The following GCM1 variants were observed in gnomAD, a reference collection of about 807,000 sequenced individuals.
GCM1 encodes GCM transcription factor 1.
GCM1 carries 2 observed loss-of-function variants against 25.7 expected under a neutral mutation model. That is an observed-to-expected ratio of 0.08 (90% confidence interval 0.03 to 0.24). The LOEUF (loss-of-function observed/expected upper bound fraction) is 0.24, where lower values mean the gene tolerates loss of function less well. GCM1 is among the 10% of genes least tolerant of loss of function. The probability of loss-of-function intolerance (pLI) is 1.00; values close to 1 mark genes in which losing one functional copy is unlikely to be tolerated. For missense variants in GCM1, 395 were observed against 538.7 expected (o/e 0.73, Z 2.64); for synonymous variants, 183 against 195.7 (o/e 0.94, Z 0.54).
chr6:53,129,787 T>G (rs748215116), intron 5 of GCM1, among the ~76,000 whole-genome samples: 2 of 152,216 alleles, frequency 1.3e-5, no homozygotes, highest in Non-Finnish European at 2.9e-5. Flanking sequence ...GATTTTTCTT[T>G]GAATTCGTGG....
chr6:53,142,393 C>T (rs1763888517), intron 2 of GCM1, among the ~76,000 whole-genome samples: 1 of 152,202 alleles, frequency 6.6e-6, no homozygotes, highest in Non-Finnish European at 1.5e-5. Context: ...CAGCCTCCTT[C>T]GGAGAGCCAC....
In GCM1 at chr6:53,144,437, A is replaced by C. The variant is rs1210506472; in HGVS notation, c.75+1121T>G. 7.9e-5 allele frequency among the ~76,000 whole-genome samples: 12 copies of C among 151,996 alleles called. 1 individual carries two copies. Among genetic ancestry groups the C allele is most frequent in the African/African-American group, 2.9e-4 (12 of 41,434 alleles). ...AAACCCATCTAAAAAAAAAAAAAAA[A>C]AGTCAGTTGCCAAAGAAAATGTGAA... On this transcript the variant is annotated intron_variant, in intron 2 of 5. Coordinates refer to ENST00000259803, the MANE Select transcript of GCM1 (RefSeq NM_003643.4).
intron 2 of GCM1, among the ~76,000 whole-genome samples, chr6:53,135,390 A>G (rs1321838030): frequency 6.6e-6 from 1 of 152,204 alleles, no homozygotes; most frequent in Non-Finnish European, 1.5e-5. Flanking sequence ...CTGTTTCTTC[A>G]TCTGTAATGT....
intron 1 of GCM1, among the ~76,000 whole-genome samples, chr6:53,147,963 C>G (rs1349592810): frequency 6.6e-6 from 1 of 152,174 alleles, no homozygotes; most frequent in African/African-American, 2.4e-5. Context: ...AAATGACAAG[C>G]TAATCAGAGT....
Position 53,141,268 on chromosome 6 carries a change from C to T in GCM1, c.75+4290G>A, listed in dbSNP as rs1010068790. On this transcript the variant is annotated intron_variant, in intron 2 of 5. Transcript: ENST00000259803. ...TAAGTTTCTCAAAAATGTCTGATAT[C>T]TTAGTAAGGACATCACTGCTCACTG... Among the ~76,000 whole-genome samples the T allele has an allele frequency of 2.0e-5, 3 of 152,188 alleles. No homozygotes were observed. In the South Asian group the frequency reaches 6.2e-4, roughly 32 times the overall value.
intron 2 of GCM1, among the ~76,000 whole-genome samples, chr6:53,143,280 A>G (rs1331941254): frequency 6.6e-6 from 1 of 152,208 alleles, no homozygotes; most frequent in African/African-American, 2.4e-5. Flanking sequence ...TGTCATGGGT[A>G]GCTGCAAACA....
At chr6:53,132,909 T>A (rs2518574) in intron 3 of GCM1, among the ~76,000 whole-genome samples, 1 of 151,982 alleles carries the variant, frequency 6.6e-6, no homozygotes, top group Non-Finnish European at 1.5e-5. Flanking sequence ...AAGTGGGCAA[T>A]GTACAGGGCA....
At chr6:53,134,626 A>T (rs1388314176) in intron 2 of GCM1, among the ~76,000 whole-genome samples, 2 of 152,208 alleles carry the variant, frequency 1.3e-5, no homozygotes, top group South Asian at 4.1e-4. Context: ...ACCATTTCTC[A>T]GTAGGAATTT....
chr6:53,147,481 T>C (rs1368842225), intron 1 of GCM1, among the ~76,000 whole-genome samples: 1 of 145,240 alleles, frequency 6.9e-6, no homozygotes, highest in Non-Finnish European at 1.5e-5. Flanking sequence ...CAGGCTGGAG[T>C]GCAGTGGCGC....
At chr6:53,129,361 G>A (rs1476427159) in intron 5 of GCM1, among the ~76,000 whole-genome samples, 5 of 150,640 alleles carry the variant, frequency 3.3e-5, no homozygotes, top group Non-Finnish European at 5.9e-5. Context: ...TGCAACCTCT[G>A]CCTCCCGGGT....
chr6:53,142,860 C>A (rs1763899464), intron 2 of GCM1, among the ~76,000 whole-genome samples: 1 of 36,414 alleles, frequency 2.7e-5, no homozygotes, highest in Non-Finnish European at 5.3e-5. Context: ...GTAAACAACT[C>A]AAGGATCTCC....
chr6:53,136,601 G>A (rs1763802695), intron 2 of GCM1, among the ~76,000 whole-genome samples: 1 of 152,186 alleles, frequency 6.6e-6, no homozygotes, highest in African/African-American at 2.4e-5. Flanking sequence ...GGTTGTAAGA[G>A]TCACTGGCTT....
At chr6:53,135,494 A>C (rs1763785274) in intron 2 of GCM1, among the ~76,000 whole-genome samples, 1 of 152,226 alleles carries the variant, frequency 6.6e-6, no homozygotes, top group Non-Finnish European at 1.5e-5. Context: ...AGCATGCTGT[A>C]AGCTCTAAAT....
intron 2 of GCM1, among the ~76,000 whole-genome samples, chr6:53,138,493 A>G (rs978991108): frequency 2.6e-5 from 4 of 152,170 alleles, no homozygotes; most frequent in Non-Finnish European, 4.4e-5. Context: ...CAAGTGTCAG[A>G]TGGATGACTG....
At chr6:53,141,450 G>A (rs1452938286) in intron 2 of GCM1, among the ~76,000 whole-genome samples, 1 of 152,198 alleles carries the variant, frequency 6.6e-6, no homozygotes, top group Non-Finnish European at 1.5e-5. Context: ...CACTTTGGGA[G>A]GCCAAGGTGG....
intron 5 of GCM1, among the ~76,000 whole-genome samples, chr6:53,130,183 A>G (rs946581021): frequency 5.3e-5 from 8 of 152,198 alleles, no homozygotes; most frequent in East Asian, 1.9e-4. Flanking sequence ...TGTTCTCCCA[A>G]AAAGAAATGT....
chr6:53,147,425 GTTTT>G (rs70980807), intron 1 of GCM1, among the ~76,000 whole-genome samples: 2,332 of 93,550 alleles, frequency 0.025, 28 homozygotes, highest in Non-Finnish European at 0.04. Context: ...AGTTTTTATT[GTTTT>G]TTTTTTTTTT....
chr6:53,145,820 AC>A (rs1183772315), intron 1 of GCM1, 52 bp from the exon 2 acceptor site: 1 of 482,786 alleles, frequency 2.1e-6, no homozygotes. Context: ...TTAAAAAAAA[AC>A]CCCAATGCTC....
intron 2 of GCM1, among the ~76,000 whole-genome samples, chr6:53,136,545 A>G (rs1763801997): frequency 6.6e-6 from 1 of 152,212 alleles, no homozygotes; most frequent in African/African-American, 2.4e-5. Context: ...CCTCAATGTT[A>G]ACTGTTATTC....
Sources: gnomAD v4.1 joint callset for allele counts (sites outside exome capture counted in the v4.1 genomes callset) on GRCh38, gnomAD v4.1.1 for gene constraint, MANE v1.5 for transcripts, NCBI Gene and HGNC (gene_info 2026-07-23, HGNC 2026-07-21) for gene names.